Variants in CEP63 observed in about 807,000 individuals in gnomAD.
CEP63 encodes the protein centrosomal protein of 63 kDa.
Under a neutral mutation model 89.1 loss-of-function variants are expected in CEP63, and 84 were observed. The observed-to-expected ratio is 0.94, with a 90% CI of 0.79 to 1.13. CEP63 has a LOEUF of 1.13. Ranked by LOEUF, CEP63 falls within the 50% of genes most tolerant of loss-of-function variation. The pLI is 0.00. For missense variants in CEP63, 838 were observed against 813.3 expected, an observed-to-expected ratio of 1.03 and a Z score of -0.37; for synonymous variants, 267 against 272.5, an observed-to-expected ratio of 0.98 and a Z score of 0.20.
At position 134,554,701 on chromosome 3, in the gene CEP63, C is replaced by T. The variant is rs1373908363; in HGVS notation, c.1467+2689C>T. On this transcript the variant is annotated intron_variant, in intron 12 of 14. Coordinates refer to ENST00000675561, the MANE Select transcript of CEP63 (RefSeq NM_001353108.3). ...TTGAACTACTTTATAGTCCCACCAA[C>T]AGTGTAAAAGTGTTCCTATTTCTCC... is the stretch of plus-strand genomic sequence containing the variant. Among the ~76,000 whole-genome samples the T allele has an allele frequency of 6.6e-5, 10 of 152,290 alleles. No homozygotes were observed. The South Asian group carries it at 2.1e-3, about 32-fold the overall frequency.
Position 134,507,351 on chromosome 3 carries a change from C to G in CEP63, c.222+65C>G. ...CTTGTCTTTTATATTAAATGTGTTT[C>G]TTAAGTATTTGTTGAAGAAAGAATT... On this transcript the variant is annotated intron_variant, in intron 3 of 14. Coordinates refer to ENST00000675561, the MANE Select transcript of CEP63 (RefSeq NM_001353108.3). 4.0e-6 allele frequency: 5 copies of G among 1,245,814 alleles called. No homozygotes were observed. In the Admixed American group the frequency reaches 7.9e-5, roughly 20 times the overall value. 77.2% of individuals were successfully genotyped at this position (1,245,814 alleles called of 1,614,324 possible).
chr3:134,602,343 G>A, the CEP63 span, among the ~76,000 whole-genome samples: 10 of 152,166 alleles, frequency 6.6e-5, no homozygotes, highest in African/African-American at 1.9e-4. Context: ...GGCAGCTGAG[G>A]CCTCTCAGTC....
At chr3:134,746,758 C>T in the CEP63 span, among the ~76,000 whole-genome samples, 1 of 152,202 alleles carries the variant, frequency 6.6e-6, no homozygotes. Flanking sequence ...CCTTTACCCA[C>T]TTTTTGATGG....
chr3:134,678,231 G>A, the CEP63 span, among the ~76,000 whole-genome samples: 104 of 152,030 alleles, frequency 6.8e-4, no homozygotes, highest in Admixed American at 3.8e-3. Flanking sequence ...CCTGCCCTCC[G>A]CTCCTTCCTG....
At chr3:134,756,495 A>G in the CEP63 span, among the ~76,000 whole-genome samples, 1 of 152,176 alleles carries the variant, frequency 6.6e-6, no homozygotes, top group Non-Finnish European at 1.5e-5. Context: ...CTAAGACTGC[A>G]GGTGTGTGCC....
At chr3:134,524,064 T>G (rs1005287690) in intron 3 of CEP63, among the ~76,000 whole-genome samples, 5 of 152,180 alleles carry the variant, frequency 3.3e-5, no homozygotes, top group African/African-American at 1.2e-4. Flanking sequence ...TCTAATTTCT[T>G]TGAGCAGTGT....
chr3:134,549,651 T>G (rs1954370927), intron 10 of CEP63, among the ~76,000 whole-genome samples: 2 of 152,180 alleles, frequency 1.3e-5, no homozygotes, highest in African/African-American at 4.8e-5. Context: ...TTTGTATTTT[T>G]TGTTACTTCT....
the CEP63 span, among the ~76,000 whole-genome samples, chr3:134,775,810 T>G: frequency 6.6e-5 from 10 of 152,148 alleles, no homozygotes; most frequent in Non-Finnish European, 1.5e-4. Flanking sequence ...CAGTGACGCT[T>G]CTCTCTCCAT....
At chr3:134,693,628 C>A in the CEP63 span, among the ~76,000 whole-genome samples, 11,067 of 152,180 alleles carry the variant, frequency 0.073, 719 homozygotes, top group African/African-American at 0.18. Flanking sequence ...TGTTTAGCTG[C>A]AATTGAGGCT....
At chr3:134,622,412 A>G in the CEP63 span, among the ~76,000 whole-genome samples, 1 of 152,242 alleles carries the variant, frequency 6.6e-6, no homozygotes, top group East Asian at 1.9e-4. Context: ...TGTATATGCT[A>G]CGACATGGAT....
intron 5 of CEP63, among the ~76,000 whole-genome samples, chr3:134,533,324 C>T (rs1417866079): frequency 6.6e-6 from 1 of 152,158 alleles, no homozygotes; most frequent in African/African-American, 2.4e-5. Context: ...TATAGGCAGT[C>T]CTCTATGGAC....
At chr3:134,737,710 G>C in the CEP63 span, among the ~76,000 whole-genome samples, 1 of 152,224 alleles carries the variant, frequency 6.6e-6, no homozygotes, top group Non-Finnish European at 1.5e-5. Context: ...GGGCAATGTG[G>C]CTTCTTCTCA....
At chr3:134,698,017 C>T in the CEP63 span, among the ~76,000 whole-genome samples, 3 of 152,204 alleles carry the variant, frequency 2.0e-5, no homozygotes, top group Non-Finnish European at 4.4e-5. Context: ...GTTGTCCAGA[C>T]ATGGAAGACT....
chr3:134,610,396 C>T, the CEP63 span: 15 of 1,604,510 alleles, frequency 9.3e-6, no homozygotes, highest in African/African-American at 2.7e-5. Context: ...GGGGGCAGGA[C>T]AGGGGGTCTG....
At chr3:134,641,422 C>T in the CEP63 span, 1 of 152,106 alleles carries the variant, frequency 6.6e-6, no homozygotes, top group South Asian at 2.1e-4. Flanking sequence ...CAGGGAGAGT[C>T]AGCTATTTAT....
At chr3:134,581,224 A>T (rs765844408) in intron 10 of CEP63, among the ~76,000 whole-genome samples, 7 of 152,202 alleles carry the variant, frequency 4.6e-5, no homozygotes, top group Non-Finnish European at 8.8e-5. Flanking sequence ...GTGTTAAGTC[A>T]CTAGCTCTGT....
Position 134,564,862 on chromosome 3 carries a change from G to A in CEP63, c.*3327G>A. 1.0e-6 allele frequency: 1 copy of A among 985,238 alleles called. No homozygotes were observed. The highest frequency in any genetic ancestry group is 1.2e-6 in the Non-Finnish European group (1 of 829,788). The allele number at this position is 985,238 out of a possible 1,614,324, so 61.0% of individuals were successfully genotyped here. ...TCTGTAGTCACCGGAAATACTTAAG[G>A]AATCATGAGGTACTATGTATTTCCT... On this transcript the variant is annotated 3_prime_UTR_variant, in exon 15 of 15. Coordinates refer to ENST00000675561, the MANE Select transcript of CEP63 (RefSeq NM_001353108.3).
chr3:134,603,794 C>T, the CEP63 span: 2 of 1,613,116 alleles, frequency 1.2e-6, no homozygotes, highest in East Asian at 2.2e-5. Context: ...TTCCGGTTGG[C>T]AGGAAGCACA....
chr3:134,737,835 A>G, the CEP63 span, among the ~76,000 whole-genome samples: 4 of 152,140 alleles, frequency 2.6e-5, no homozygotes, highest in Non-Finnish European at 5.9e-5. Context: ...TCAGTTCTCC[A>G]TGTTGTCTCA....
Sources: gnomAD v4.1 joint callset for allele counts (sites outside exome capture counted in the v4.1 genomes callset) on GRCh38, gnomAD v4.1.1 for gene constraint, MANE v1.5 for transcripts, NCBI Gene and HGNC (gene_info 2026-07-23, HGNC 2026-07-21) for gene names.